TMEM117: variants seen among roughly 807,000 people sequenced by gnomAD.
TMEM117 encodes transmembrane protein 117.
Under a neutral mutation model 52.4 loss-of-function variants are expected in TMEM117, and 27 were observed. The observed-to-expected ratio is 0.51, with a 90% CI of 0.38 to 0.71. TMEM117 has a LOEUF of 0.71. Ranked by LOEUF, TMEM117 falls within the 30% of genes least tolerant of loss-of-function variation. The pLI, the probability that TMEM117 is intolerant of heterozygous loss-of-function variation, is 0.00. For synonymous variants in TMEM117, 215 were observed against 206.3 expected (o/e 1.04, Z -0.36); for missense variants, 556 against 630.5 (o/e 0.88, Z 1.26).
chr12:44,220,277 G>A (rs1039010050), intron 5 of TMEM117, among the ~76,000 whole-genome samples: 2 of 152,110 alleles, frequency 1.3e-5, no homozygotes, highest in Non-Finnish European at 2.9e-5. Flanking sequence ...ATGAGTAAAT[G>A]AATGGTAGAT....
chr12:44,019,368 C>T (rs528945563), intron 3 of TMEM117, among the ~76,000 whole-genome samples: 9 of 152,108 alleles, frequency 5.9e-5, no homozygotes, highest in Non-Finnish European at 1.3e-4. Context: ...GAAACGCTCA[C>T]TTACAGCAGC....
At chr12:44,395,785 A>G in the TMEM117 span, among the ~76,000 whole-genome samples, 1 of 152,196 alleles carries the variant, frequency 6.6e-6, no homozygotes, top group Non-Finnish European at 1.5e-5. Context: ...ATTTTCAGGA[A>G]TAGACTTGGA....
chr12:43,808,248 A>T, the TMEM117 span, among the ~76,000 whole-genome samples: 1 of 152,222 alleles, frequency 6.6e-6, no homozygotes, highest in Non-Finnish European at 1.5e-5. Flanking sequence ...TGTGCAGTCA[A>T]AATGGCTGAA....
chr12:44,053,420 C>G (rs1039877819), intron 3 of TMEM117, among the ~76,000 whole-genome samples: 6 of 152,160 alleles, frequency 3.9e-5, no homozygotes, highest in Non-Finnish European at 1.5e-5. Flanking sequence ...ACTGGTCTTT[C>G]TAGCATATCA....
At chr12:44,323,768 C>G (rs73276261) in intron 6 of TMEM117, among the ~76,000 whole-genome samples, 7,308 of 152,192 alleles carry the variant, frequency 0.048, 361 homozygotes, top group African/African-American at 0.12. Context: ...TACATTACTA[C>G]GGTGTGTCCC....
intron 6 of TMEM117, among the ~76,000 whole-genome samples, chr12:44,307,151 CT>C (rs2138660058): frequency 6.6e-6 from 1 of 152,268 alleles, no homozygotes; most frequent in African/African-American, 2.4e-5. Context: ...TAGAGCATTT[CT>C]TTTGAGGTCA....
intron 7 of TMEM117, among the ~76,000 whole-genome samples, chr12:44,380,697 C>T (rs1239013855): frequency 6.6e-6 from 1 of 152,092 alleles, no homozygotes; most frequent in Non-Finnish European, 1.5e-5. Flanking sequence ...ACTTATGACG[C>T]TGCCTGCCAT....
At chr12:44,137,246 C>T (rs1004531445) in intron 3 of TMEM117, among the ~76,000 whole-genome samples, 11 of 151,736 alleles carry the variant, frequency 7.2e-5, no homozygotes, top group East Asian at 3.9e-4. Flanking sequence ...ACTAGGGAAG[C>T]GATAACTTTC....
chr12:44,085,288 C>T (rs1947548446), intron 3 of TMEM117, among the ~76,000 whole-genome samples: 1 of 151,776 alleles, frequency 6.6e-6, no homozygotes, highest in Non-Finnish European at 1.5e-5. Context: ...TAGAAATGTG[C>T]TTTACATAGT....
intron 6 of TMEM117, among the ~76,000 whole-genome samples, chr12:44,326,188 T>G (rs1951192980): frequency 6.6e-6 from 1 of 150,900 alleles, no homozygotes; most frequent in African/African-American, 2.5e-5. Context: ...TTTGTTTTTG[T>G]TTTTTGTTTT....
At chr12:44,178,864 C>T (rs1024828835) in intron 4 of TMEM117, among the ~76,000 whole-genome samples, 1 of 152,088 alleles carries the variant, frequency 6.6e-6, no homozygotes, top group Non-Finnish European at 1.5e-5. Flanking sequence ...AGTCAGGGTT[C>T]TCCAGAGAGA....
At position 43,854,927 on chromosome 12, in the gene TMEM117, G is replaced by A. The variant is rs980536923; in HGVS notation, c.277+9999G>A. 1.3e-4 allele frequency among the ~76,000 whole-genome samples: 20 copies of A among 152,306 alleles called. No homozygotes were observed. In the East Asian group the frequency reaches 3.7e-3, roughly 28 times the overall value. On this transcript the variant is annotated intron_variant, in intron 2 of 7. Transcript: ENST00000266534. Reference sequence around the variant, plus strand: ...GCTGGGATTACAGGCGTGAGCCACCGCTCCTGGCCCAGGCCCACCACTTCT... The same window carrying A: ...GCTGGGATTACAGGCGTGAGCCACCACTCCTGGCCCAGGCCCACCACTTCT...
rs530460613 is a variant in TMEM117 at position 43,886,337 on chromosome 12, CAA to C, written c.277+41410_277+41411del. On this transcript the variant is annotated intron_variant, in intron 2 of 7. Coordinates refer to ENST00000266534, the MANE Select transcript of TMEM117 (RefSeq NM_032256.3). ...GAGTATGGTGTCATAGGCATCAAGA[CAA>C]GAGAGTATTTCAACAACAACAACAA... is the stretch of plus-strand genomic sequence containing the variant. 1.8e-3 allele frequency among the ~76,000 whole-genome samples: 281 copies of C among 152,186 alleles called. 1 individual carries two copies. The highest frequency in any genetic ancestry group is 5.9e-3 in the African/African-American group (244 of 41,514).
chr12:43,840,293 A>G (rs1451871264), intron 1 of TMEM117, among the ~76,000 whole-genome samples: 9 of 152,194 alleles, frequency 5.9e-5, no homozygotes, highest in Non-Finnish European at 1.0e-4. Flanking sequence ...AATGAGGAAA[A>G]TAATATTTTC....
At position 44,118,387 on chromosome 12, in the gene TMEM117, CAG is replaced by C. The variant is rs1948180240; in HGVS notation, c.411-25137_411-25136del. Among the ~76,000 whole-genome samples, 3 of 151,962 alleles carry C rather than the reference CAG, an allele frequency of 2.0e-5. No individual in the cohort carries two copies. The South Asian group carries it at 6.2e-4, about 32-fold the overall frequency. On this transcript the variant is annotated intron_variant, in intron 3 of 7. Coordinates refer to ENST00000266534, the MANE Select transcript of TMEM117 (RefSeq NM_032256.3). ...AGAAATCCATTTCAGCTTTAGAAAG[CAG>C]GGGAAGGATGGAAAGAAGAGGAAGT...
the TMEM117 span, among the ~76,000 whole-genome samples, chr12:43,806,664 A>G: frequency 6.6e-6 from 1 of 152,206 alleles, no homozygotes; most frequent in African/African-American, 2.4e-5. Context: ...GGCATTTTCC[A>G]GCTTAAAAAA....
At chr12:44,340,956 C>T (rs1193736114) in intron 6 of TMEM117, among the ~76,000 whole-genome samples, 1 of 152,044 alleles carries the variant, frequency 6.6e-6, no homozygotes, top group African/African-American at 2.4e-5. Context: ...TCCCATCTCT[C>T]ACCCTTCCAA....
At chr12:43,874,003 TG>T (rs1943749901) in intron 2 of TMEM117, among the ~76,000 whole-genome samples, 2 of 151,646 alleles carry the variant, frequency 1.3e-5, no homozygotes, top group South Asian at 2.1e-4. Context: ...GAAAAATCCA[TG>T]TTTTTTTTCA....
At chr12:44,118,275 G>T (rs1011116215) in intron 3 of TMEM117, among the ~76,000 whole-genome samples, 3 of 152,138 alleles carry the variant, frequency 2.0e-5, no homozygotes, top group African/African-American at 7.2e-5. Context: ...ATTGAGTAAT[G>T]ATCCAGATTT....
Sources: allele counts gnomAD v4.1 joint callset (sites outside exome capture counted in the v4.1 genomes callset), GRCh38; gene constraint gnomAD v4.1.1; transcripts MANE v1.5; gene names NCBI Gene and HGNC (gene_info 2026-07-23, HGNC 2026-07-21).